The following PDE5A variants were observed in gnomAD, a reference collection of about 807,000 sequenced individuals.
PDE5A encodes the protein phosphodiesterase 5A.
In PDE5A, 67 loss-of-function variants were observed where a neutral mutation model predicts 110.2. The observed-to-expected ratio is 0.61, with a 90% CI of 0.50 to 0.75. The LOEUF is 0.75. PDE5A is among the 30% of genes least tolerant of loss of function. The probability of loss-of-function intolerance (pLI) is 0.00; values close to 1 mark genes in which losing one functional copy is unlikely to be tolerated. For synonymous variants in PDE5A, 328 were observed against 351.2 expected, an observed-to-expected ratio of 0.93 and a Z score of 0.74; for missense variants, 862 against 1,045.1, an observed-to-expected ratio of 0.82 and a Z score of 2.42.
chr4:119,605,089 G>T (rs1729481826), intron 2 of PDE5A, among the ~76,000 whole-genome samples: 1 of 151,860 alleles, frequency 6.6e-6, no homozygotes, highest in African/African-American at 2.4e-5. Context: ...AATCATACTG[G>T]TTCCCCTTTC....
chr4:119,542,524 T>TC lies in PDE5A; in HGVS notation c.1506dup (p.Ile503AspfsTer8). 1 of 1,613,854 alleles carries TC rather than the reference T, an allele frequency of 6.2e-7. No homozygotes were observed. Among genetic ancestry groups the TC allele is most frequent in the Non-Finnish European group, 8.5e-7 (1 of 1,179,930 alleles). On this transcript the variant is annotated frameshift_variant, in exon 10 of 21. Coordinates refer to ENST00000354960, the MANE Select transcript of PDE5A (RefSeq NM_001083.4). LOFTEE classifies it high-confidence loss of function. The stretch of plus-strand genomic sequence containing the variant: ...GCTTCATACATCTGCGTGTTCTGGA[T>TC]CCCCAAGCCACAAAAGATGACAAAA...
intron 11 of PDE5A, chr4:119,527,061 A>G (rs934791990): frequency 8.5e-5 from 13 of 152,192 alleles, no homozygotes; most frequent in African/African-American, 2.9e-4. Flanking sequence ...CTCAAAGCAG[A>G]TAACAGCTGC....
intron 3 of PDE5A, among the ~76,000 whole-genome samples, chr4:119,574,997 G>C (rs946186289): frequency 2.6e-5 from 4 of 152,076 alleles, no homozygotes; most frequent in Admixed American, 1.3e-4. Context: ...TTAAAGGACC[G>C]GATGGAGCTG....
chr4:119,552,121 T>G (rs1727376237), intron 9 of PDE5A: 1 of 152,240 alleles, frequency 6.6e-6, no homozygotes, highest in Non-Finnish European at 1.5e-5. Context: ...AATTTCTGCT[T>G]TGTTCATTGA....
intron 19 of PDE5A, 137 bp downstream of exon 19, chr4:119,502,444 C>G: frequency 1.8e-6 from 1 of 554,096 alleles, no homozygotes; most frequent in South Asian, 2.4e-5. Flanking sequence ...TATAATTCTT[C>G]CAATGAGAAA....
chr4:119,614,957 TG>T (rs1322252448), intron 1 of PDE5A, among the ~76,000 whole-genome samples: 1 of 152,188 alleles, frequency 6.6e-6, no homozygotes, highest in Non-Finnish European at 1.5e-5. Context: ...AGGTGCTGAC[TG>T]TCTTCAGCAG....
chr4:119,608,412 G>A (rs999911723), intron 1 of PDE5A, among the ~76,000 whole-genome samples: 2 of 151,960 alleles, frequency 1.3e-5, no homozygotes, highest in African/African-American at 2.4e-5. Flanking sequence ...CCCTTAGAAC[G>A]CTGTAGTCTT....
At chr4:119,619,546 A>G (rs1287151372) in intron 1 of PDE5A, among the ~76,000 whole-genome samples, 1 of 152,098 alleles carries the variant, frequency 6.6e-6, no homozygotes, top group African/African-American at 2.4e-5. Context: ...TCCCACAAAA[A>G]CTTCTGTTCG....
In PDE5A at chr4:119,496,611, C is replaced by T. The variant is rs1166414978; in HGVS notation, c.*1990G>A. The T allele has an allele frequency of 6.6e-6, 1 of 152,516 alleles. No individual in the cohort carries two copies. Among genetic ancestry groups the T allele is most frequent in the Non-Finnish European group, 1.5e-5 (1 of 67,994 alleles). The allele number at this position is 152,516 out of a possible 1,614,324, so 9.4% of individuals were successfully genotyped here. Reference sequence around the variant, plus strand: ...CAAACAAACTACTAAAGCATAAGTACATATTTTAGCATAACTGCTAAATCA... The same window carrying T: ...CAAACAAACTACTAAAGCATAAGTATATATTTTAGCATAACTGCTAAATCA... On this transcript the variant is annotated 3_prime_UTR_variant, in exon 21 of 21. Coordinates refer to ENST00000354960, the MANE Select transcript of PDE5A (RefSeq NM_001083.4).
chr4:119,605,325 A>T (rs1033749944), intron 2 of PDE5A, among the ~76,000 whole-genome samples: 1 of 152,014 alleles, frequency 6.6e-6, no homozygotes, highest in Non-Finnish European at 1.5e-5. Flanking sequence ...ATTTTCCGGG[A>T]TCTGTACCAG....
chr4:119,627,325 C>G lies in PDE5A; in HGVS notation c.152+1195G>C, dbSNP rs530826636. 8.6e-7 allele frequency: 1 copy of G among 1,168,558 alleles called. No homozygotes were observed. The highest frequency in any genetic ancestry group is 3.1e-5 in the South Asian group (1 of 32,456). The allele number at this position is 1,168,558 out of a possible 1,614,324, so 72.4% of individuals were successfully genotyped here. ...CCCCGGCCTCCGCGCCGCCGCCCGT[C>G]GCCTCCCGCTCGCCCCGCGCTGCGC... On this transcript the variant is annotated intron_variant, in intron 1 of 20. Coordinates refer to ENST00000354960, the MANE Select transcript of PDE5A (RefSeq NM_001083.4). The surrounding 1 kb of genome is among the most constrained non-coding windows in gnomAD (Gnocchi z 4.6).
At chr4:119,623,271 T>C (rs747818566) in intron 1 of PDE5A, among the ~76,000 whole-genome samples, 1 of 152,222 alleles carries the variant, frequency 6.6e-6, no homozygotes, top group African/African-American at 2.4e-5. Flanking sequence ...ACTAATTTCA[T>C]AGGAAGTCCT....
At chr4:119,612,957 A>T (rs931212344) in intron 1 of PDE5A, among the ~76,000 whole-genome samples, 1 of 152,246 alleles carries the variant, frequency 6.6e-6, no homozygotes, top group African/African-American at 2.4e-5. Context: ...ACCAGTTAAC[A>T]ATTGAAGAAA....
At chr4:119,625,082 C>T (rs574444964) in intron 1 of PDE5A, among the ~76,000 whole-genome samples, 95 of 149,888 alleles carry the variant, frequency 6.3e-4, no homozygotes, top group African/African-American at 2.2e-3. Flanking sequence ...GCAATCTTGG[C>T]TCACTGCAAC....
intron 15 of PDE5A, among the ~76,000 whole-genome samples, 162 bp from the exon 16 acceptor site, chr4:119,507,866 A>G (rs1441367362): frequency 6.6e-6 from 1 of 151,900 alleles, no homozygotes; most frequent in Non-Finnish European, 1.5e-5. Flanking sequence ...CTATGTTCCC[A>G]CCCAACCCCT....
At chr4:119,501,015 C>A (rs903837175) in intron 20 of PDE5A, 155 bp downstream of exon 20, 2 of 593,256 alleles carry the variant, frequency 3.4e-6, no homozygotes, top group Middle Eastern at 4.5e-4. Flanking sequence ...TTGTTCAATA[C>A]AAACATGTTC....
intron 1 of PDE5A, among the ~76,000 whole-genome samples, chr4:119,615,497 G>A (rs1235649651): frequency 6.6e-6 from 1 of 151,874 alleles, no homozygotes; most frequent in Non-Finnish European, 1.5e-5. Flanking sequence ...AAGCCCACAG[G>A]TTGAGGGGCC....
chr4:119,553,109 A>C (rs541980306), intron 8 of PDE5A, among the ~76,000 whole-genome samples: 13 of 152,056 alleles, frequency 8.5e-5, no homozygotes, highest in Non-Finnish European at 1.9e-4. Context: ...AAAATCATCC[A>C]AATAACAAAA....
chr4:119,584,278 A>G (rs1728683761), intron 3 of PDE5A, among the ~76,000 whole-genome samples: 1 of 152,224 alleles, frequency 6.6e-6, no homozygotes, highest in South Asian at 2.1e-4. Context: ...GAGAAGAGAA[A>G]GGATTAGTCT....
Sources: allele counts gnomAD v4.1 joint callset (sites outside exome capture counted in the v4.1 genomes callset), GRCh38; gene constraint gnomAD v4.1.1; non-coding constraint Gnocchi (gnomAD v3.1); transcripts MANE v1.5; gene names NCBI Gene and HGNC (gene_info 2026-07-23, HGNC 2026-07-21).